Variants in TK2 observed in about 807,000 individuals in gnomAD.
The protein encoded by TK2 is thymidine kinase 2, mitochondrial.
TK2 carries 35 observed loss-of-function variants against 41.9 expected under a neutral mutation model. The ratio of observed to expected loss-of-function variants is 0.84; its 90% confidence interval spans 0.64 to 1.11. The LOEUF is 1.11. Ranked by LOEUF, TK2 falls within the 50% of genes least tolerant of loss-of-function variation. The pLI, the probability that TK2 is intolerant of heterozygous loss-of-function variation, is 0.00. For missense variants in TK2, 320 were observed against 351.1 expected, an observed-to-expected ratio of 0.91 and a Z score of 0.71; for synonymous variants, 128 against 129.1, an observed-to-expected ratio of 0.99 and a Z score of 0.06.
At chr16:66,531,238 G>T in intron 5 of TK2, 142 bp downstream of exon 5, 1 of 822,668 alleles carries the variant, frequency 1.2e-6, no homozygotes, top group Non-Finnish European at 2.0e-6. Context: ...AGAAGCCAGA[G>T]ACCTTGGCCC....
chr16:66,527,014 C>A (rs915219214), intron 6 of TK2, among the ~76,000 whole-genome samples: 1 of 152,220 alleles, frequency 6.6e-6, no homozygotes, highest in Non-Finnish European at 1.5e-5. Context: ...ACAAACATAA[C>A]AGAGGCTCCC....
At chr16:66,531,323 T>G (rs1247258943) in intron 5 of TK2, 57 bp downstream of exon 5, 5 of 1,557,780 alleles carry the variant, frequency 3.2e-6, no homozygotes, top group Non-Finnish European at 3.5e-6. Context: ...GGCAATCACA[T>G]ACCCCAAGTC....
intron 6 of TK2, among the ~76,000 whole-genome samples, chr16:66,526,132 G>A (rs1288862728): frequency 6.6e-6 from 1 of 152,152 alleles, no homozygotes; most frequent in Non-Finnish European, 1.5e-5. Flanking sequence ...TGGCTCCTGG[G>A]GAAATCTACC....
intron 9 of TK2, among the ~76,000 whole-genome samples, chr16:66,512,504 G>A (rs114266504): frequency 0.013 from 1,931 of 152,238 alleles, 35 homozygotes; most frequent in African/African-American, 0.045. Context: ...ACAGTAGGCC[G>A]GGTGCAGTGG....
chr16:66,517,691 C>T lies in TK2; in HGVS notation c.538+98G>A. 1 of 1,124,104 alleles carries T rather than the reference C, an allele frequency of 8.9e-7. No individual in the cohort carries two copies. The highest frequency in any genetic ancestry group is 1.4e-6 in the Non-Finnish European group (1 of 734,622). 69.6% of individuals were successfully genotyped at this position (1,124,104 alleles called of 1,614,324 possible). ...GGGAAGGAACTGCCAAGGGCAAGTGCCTCACCCACTGCCCCCAAGGGTTGG... is the reference window on the plus strand; with the variant it reads ...GGGAAGGAACTGCCAAGGGCAAGTGTCTCACCCACTGCCCCCAAGGGTTGG... On this transcript the variant is annotated intron_variant, in intron 7 of 9. Coordinates refer to ENST00000544898, the MANE Select transcript of TK2 (RefSeq NM_004614.5). This position sits in a 1 kb window ranked among gnomAD's most constrained non-coding sequence, Gnocchi z 4.3.
chr16:66,533,155 T>C (rs1965169720), intron 4 of TK2, among the ~76,000 whole-genome samples: 1 of 146,914 alleles, frequency 6.8e-6, no homozygotes, highest in South Asian at 2.4e-4. Context: ...CCGCAACCTC[T>C]ACCTTCTGGG....
intron 3 of TK2, among the ~76,000 whole-genome samples, chr16:66,540,993 A>T (rs975868495): frequency 6.6e-6 from 1 of 152,248 alleles, no homozygotes; most frequent in Non-Finnish European, 1.5e-5. Flanking sequence ...AAAAATCCAA[A>T]ATCCTAAATG....
chr16:66,523,818 T>A (rs1567529582), intron 6 of TK2, among the ~76,000 whole-genome samples: 1 of 152,022 alleles, frequency 6.6e-6, no homozygotes, highest in Non-Finnish European at 1.5e-5. Flanking sequence ...CAGAGCAAGA[T>A]TCTGTCTCAA....
chr16:66,531,238 G>A (rs145648324), intron 5 of TK2, 142 bp downstream of exon 5: 241 of 822,668 alleles, frequency 2.9e-4, no homozygotes, highest in Admixed American at 2.1e-3. Context: ...AGAAGCCAGA[G>A]ACCTTGGCCC....
intron 5 of TK2, among the ~76,000 whole-genome samples, chr16:66,529,471 C>T (rs9932597): frequency 0.056 from 8,476 of 152,276 alleles, 778 homozygotes; most frequent in African/African-American, 0.19. Context: ...GGTGAGTTTG[C>T]TTAAGCAGAG....
intron 5 of TK2, among the ~76,000 whole-genome samples, chr16:66,530,998 C>T (rs551015275): frequency 6.2e-4 from 95 of 152,344 alleles, no homozygotes; most frequent in African/African-American, 2.2e-3. Flanking sequence ...GCTGGGATTA[C>T]AGGTGGGATC....
chr16:66,548,887 G>T, intron 2 of TK2, 91 bp downstream of exon 2: 2 of 1,269,830 alleles, frequency 1.6e-6, no homozygotes, highest in Admixed American at 3.6e-5. Flanking sequence ...TTTTACTATG[G>T]AATGTATTTT....
chr16:66,539,218 G>A (rs1170756683), intron 3 of TK2, among the ~76,000 whole-genome samples: 2 of 152,038 alleles, frequency 1.3e-5, no homozygotes, highest in African/African-American at 2.4e-5. Context: ...TCCTCCCCAG[G>A]TTTGATGATT....
chr16:66,541,876 T>C lies in TK2; in HGVS notation c.231+3A>G. 2 of 1,614,176 alleles carry C rather than the reference T, an allele frequency of 1.2e-6. No individual in the cohort carries two copies. The highest frequency in any genetic ancestry group is 3.3e-5 in the Admixed American group (2 of 60,032). The stretch of plus-strand genomic sequence containing the variant: ...TCCTTCAAACCTAGCATAGAGGCTG[T>C]ACCTCGACGTCTGTCGCGTTGGAGA... On this transcript the variant is annotated splice_donor_region_variant and intron_variant, in intron 3 of 9. Coordinates refer to ENST00000544898, the MANE Select transcript of TK2 (RefSeq NM_004614.5).
Position 66,511,408 on chromosome 16 carries a change from G to T in TK2, c.*560C>A. 1 of 197,788 alleles carries T rather than the reference G, an allele frequency of 5.1e-6. No individual in the cohort carries two copies. The highest frequency in any genetic ancestry group is 1.1e-5 in the Non-Finnish European group (1 of 95,030). The allele number at this position is 197,788 out of a possible 1,614,324, so 12.3% of individuals were successfully genotyped here. A position where few individuals can be genotyped will look rare whatever the true frequency, so the allele number is the denominator to read the frequency against. ...CAGCTCTCCCCAAAGAGACATGAGA[G>T]CCTCCAACCGGAAGAGGCAGGGCGG... On this transcript the variant is annotated 3_prime_UTR_variant, in exon 10 of 10. Coordinates refer to ENST00000544898, the MANE Select transcript of TK2 (RefSeq NM_004614.5).
chr16:66,549,766 G>C, intron 1 of TK2, 172 bp downstream of exon 1: 1 of 1,280,220 alleles, frequency 7.8e-7, no homozygotes, highest in Non-Finnish European at 9.8e-7. Flanking sequence ...GCTCGCTGCG[G>C]TCTCGCGCCC....
intron 6 of TK2, among the ~76,000 whole-genome samples, chr16:66,520,615 G>T (rs1964752590): frequency 6.6e-6 from 1 of 152,210 alleles, no homozygotes; most frequent in African/African-American, 2.4e-5. Context: ...CAACCAGCGA[G>T]TGAGAAGCCC....
rs115565666 is a variant in TK2 at position 66,513,371 on chromosome 16, T to C, written c.699+360A>G. ...GATGACCTGAGTCACCAAACAAAGG[T>C]GAAATGAGGCTCTGTGTCATCCACG... On this transcript the variant is annotated intron_variant, in intron 9 of 9. Coordinates refer to ENST00000544898, the MANE Select transcript of TK2 (RefSeq NM_004614.5). 6.1e-3 allele frequency among the ~76,000 whole-genome samples: 925 copies of C among 152,070 alleles called. 11 individuals are homozygous for C. The highest frequency in any genetic ancestry group is 0.022 in the African/African-American group (893 of 41,492).
chr16:66,522,449 A>G (rs1327047106), intron 6 of TK2, among the ~76,000 whole-genome samples: 1 of 152,204 alleles, frequency 6.6e-6, no homozygotes, highest in Non-Finnish European at 1.5e-5. Context: ...CGACCAGGCA[A>G]TCTTGTAAAA....
Sources: gnomAD v4.1 joint callset for allele counts (sites outside exome capture counted in the v4.1 genomes callset) on GRCh38, gnomAD v4.1.1 for gene constraint, Gnocchi (gnomAD v3.1) non-coding constraint, MANE v1.5 for transcripts, NCBI Gene and HGNC (gene_info 2026-07-23, HGNC 2026-07-21) for gene names.